The following FSTL5 variants were observed in gnomAD, a reference collection of about 807,000 sequenced individuals.
The protein encoded by FSTL5 is follistatin-related protein 5.
Under a neutral mutation model 89.1 loss-of-function variants are expected in FSTL5, and 62 were observed. That is an observed-to-expected ratio of 0.70 (90% CI 0.57 to 0.86). The LOEUF (loss-of-function observed/expected upper bound fraction) is 0.86, where lower values mean the gene tolerates loss of function less well. FSTL5 is among the 40% of genes least tolerant of loss of function. The pLI is 0.00. For missense variants in FSTL5, 1,057 were observed against 1,001.6 expected, an observed-to-expected ratio of 1.06 and a Z score of -0.75; for synonymous variants, 383 against 346.2, an observed-to-expected ratio of 1.11 and a Z score of -1.18.
intron 4 of FSTL5, among the ~76,000 whole-genome samples, chr4:161,829,347 A>T (rs1024808193): frequency 4.0e-5 from 6 of 151,436 alleles, no homozygotes; most frequent in Non-Finnish European, 1.5e-5. Context: ...AAAAGAAAAA[A>T]AATGAAGTAA....
chr4:162,126,874 G>T (rs1732102362), intron 1 of FSTL5, among the ~76,000 whole-genome samples: 1 of 152,194 alleles, frequency 6.6e-6, no homozygotes, highest in Admixed American at 6.5e-5. Flanking sequence ...GTACGTGTTT[G>T]TCTGTGTTTT....
At chr4:161,922,489 C>T (rs182091366) in intron 3 of FSTL5, among the ~76,000 whole-genome samples, 2 of 151,910 alleles carry the variant, frequency 1.3e-5, no homozygotes, top group Non-Finnish European at 1.5e-5. Flanking sequence ...TTTTGGCATG[C>T]TTACAATCAC....
At chr4:161,579,401 T>C (rs142966623) in intron 8 of FSTL5, among the ~76,000 whole-genome samples, 2 of 152,046 alleles carry the variant, frequency 1.3e-5, no homozygotes, top group Admixed American at 1.3e-4. Flanking sequence ...CAGAAGTCAG[T>C]ACAAAAAAGG....
intron 4 of FSTL5, among the ~76,000 whole-genome samples, chr4:161,909,982 T>TA (rs1264553988): frequency 2.0e-5 from 3 of 152,282 alleles, no homozygotes; most frequent in African/African-American, 7.2e-5. Flanking sequence ...TTTTTTAGAA[T>TA]AAAAAATCTC....
intron 6 of FSTL5, among the ~76,000 whole-genome samples, chr4:161,758,919 C>T (rs188281180): frequency 1.7e-3 from 257 of 152,314 alleles, no homozygotes; most frequent in African/African-American, 5.9e-3. Flanking sequence ...TCTGAAGACA[C>T]ACTTCGGCAA....
chr4:161,648,348 G>A (rs771575870), intron 7 of FSTL5, among the ~76,000 whole-genome samples: 1 of 152,138 alleles, frequency 6.6e-6, no homozygotes, highest in South Asian at 2.1e-4. Flanking sequence ...CCCACAGCCT[G>A]CCCATCTATA....
intron 3 of FSTL5, among the ~76,000 whole-genome samples, chr4:162,007,703 G>T (rs1736651647): frequency 6.6e-6 from 1 of 151,750 alleles, no homozygotes; most frequent in Admixed American, 6.6e-5. Flanking sequence ...CGTGTAATAG[G>T]CAAATAAATG....
chr4:162,138,071 C>T (rs554623026), intron 1 of FSTL5, among the ~76,000 whole-genome samples: 3 of 152,056 alleles, frequency 2.0e-5, no homozygotes, highest in African/African-American at 7.2e-5. Context: ...AAAAATTTTG[C>T]TTAAGTCATT....
intron 1 of FSTL5, among the ~76,000 whole-genome samples, chr4:162,138,021 T>C (rs1175773155): frequency 6.6e-6 from 1 of 151,976 alleles, no homozygotes; most frequent in Admixed American, 6.6e-5. Context: ...AGGTGGGGTA[T>C]GAGAAAGAGA....
intron 4 of FSTL5, among the ~76,000 whole-genome samples, chr4:161,839,647 C>A (rs1285289017): frequency 6.6e-6 from 1 of 152,070 alleles, no homozygotes; most frequent in African/African-American, 2.4e-5. Context: ...AATTCCAATA[C>A]AGAAAAACAT....
At chr4:162,152,694 A>C (rs2111513230) in intron 1 of FSTL5, among the ~76,000 whole-genome samples, 1 of 152,256 alleles carries the variant, frequency 6.6e-6, no homozygotes, top group Non-Finnish European at 1.5e-5. Context: ...TCACTCAATC[A>C]TTGCCTTAAA....
chr4:161,811,191 A>AAAAAC (rs1295621652), intron 4 of FSTL5, among the ~76,000 whole-genome samples: 10 of 152,196 alleles, frequency 6.6e-5, no homozygotes, highest in African/African-American at 1.9e-4. Context: ...GAGAGGAGCA[A>AAAAAC]AAAACAAAAC....
chr4:161,439,156 A>G (rs1272793748), intron 15 of FSTL5, among the ~76,000 whole-genome samples: 4 of 152,238 alleles, frequency 2.6e-5, no homozygotes, highest in Non-Finnish European at 4.4e-5. Flanking sequence ...ATGATGTAAT[A>G]TTTATTGCAC....
intron 6 of FSTL5, among the ~76,000 whole-genome samples, chr4:161,662,342 C>T (rs1318657062): frequency 2.0e-5 from 3 of 152,032 alleles, no homozygotes; most frequent in Non-Finnish European, 4.4e-5. Flanking sequence ...AGAAATAACA[C>T]ATAACACTAA....
chr4:161,834,185 G>GAACC (rs1730950510), intron 4 of FSTL5, among the ~76,000 whole-genome samples: 1 of 152,044 alleles, frequency 6.6e-6, no homozygotes, highest in African/African-American at 2.4e-5. Flanking sequence ...CATATAAACA[G>GAACC]AACCAAAGAC....
At chr4:161,793,504 A>G (rs1299067282) in intron 4 of FSTL5, among the ~76,000 whole-genome samples, 1 of 152,222 alleles carries the variant, frequency 6.6e-6, no homozygotes, top group Non-Finnish European at 1.5e-5. Context: ...ATATCCTGGG[A>G]AAGTCACTGA....
At chr4:162,043,460 A>T (rs1738049836) in intron 2 of FSTL5, 1 of 152,226 alleles carries the variant, frequency 6.6e-6, no homozygotes, top group African/African-American at 2.4e-5. Flanking sequence ...TAATGATCAT[A>T]TCAGCCTTCA....
chr4:162,098,113 G>A (rs531843380), intron 2 of FSTL5, among the ~76,000 whole-genome samples: 138 of 151,998 alleles, frequency 9.1e-4, no homozygotes, highest in African/African-American at 3.2e-3. Flanking sequence ...TCTACACTGG[G>A]TAGTATTCCT....
At chr4:161,989,690 G>C (rs1293439947) in intron 3 of FSTL5, among the ~76,000 whole-genome samples, 1 of 152,084 alleles carries the variant, frequency 6.6e-6, no homozygotes, top group East Asian at 1.9e-4. Context: ...AAAAGTATAG[G>C]GACAGAGAAT....
Sources: allele counts gnomAD v4.1 joint callset (sites outside exome capture counted in the v4.1 genomes callset), GRCh38; gene constraint gnomAD v4.1.1; transcripts MANE v1.5; gene names NCBI Gene and HGNC (gene_info 2026-07-23, HGNC 2026-07-21).